The following SLMAP variants were observed in gnomAD, a reference collection of about 807,000 sequenced individuals.
The protein encoded by SLMAP is sarcolemma associated protein, also known as sarcolemmal membrane-associated protein.
A neutral mutation model predicts 128.8 loss-of-function variants in SLMAP; 44 were observed. The observed-to-expected ratio is 0.34, with a 90% CI of 0.27 to 0.44. The LOEUF (loss-of-function observed/expected upper bound fraction) is 0.44. SLMAP is among the 20% of genes least tolerant of loss of function. SLMAP has a pLI of 1.00. For synonymous variants in SLMAP, 327 were observed against 348.8 expected, an observed-to-expected ratio of 0.94 and a Z score of 0.70; for missense variants, 787 against 985.3, an observed-to-expected ratio of 0.80 and a Z score of 2.69.
At chr3:57,876,627 T>C (rs1450578521) in intron 14 of SLMAP, among the ~76,000 whole-genome samples, 2 of 152,262 alleles carry the variant, frequency 1.3e-5, no homozygotes, top group African/African-American at 2.4e-5. Context: ...TTTTAGTTAC[T>C]TAAAGTTTAC....
At chr3:57,913,362 A>G (rs878924921) in intron 21 of SLMAP, 87 bp downstream of exon 21, 7 of 622,430 alleles carry the variant, frequency 1.1e-5, no homozygotes, top group East Asian at 2.9e-5. Flanking sequence ...TAATACTTAA[A>G]TATTTTACAG....
chr3:57,793,159 C>G (rs1030900657), intron 2 of SLMAP, among the ~76,000 whole-genome samples: 3 of 152,042 alleles, frequency 2.0e-5, no homozygotes, highest in Non-Finnish European at 2.9e-5. Flanking sequence ...TCCTCTTGAG[C>G]TCAAGTGATC....
chr3:57,910,037 T>C (rs1442947506), intron 19 of SLMAP, among the ~76,000 whole-genome samples: 2 of 152,104 alleles, frequency 1.3e-5, no homozygotes, highest in Admixed American at 1.3e-4. Context: ...TTCTGAGTTA[T>C]GTCGTGAGTT....
intron 2 of SLMAP, among the ~76,000 whole-genome samples, chr3:57,758,239 C>G (rs2077951617): frequency 6.6e-6 from 1 of 152,186 alleles, no homozygotes; most frequent in Non-Finnish European, 1.5e-5. Flanking sequence ...CCATTATTAT[C>G]CCGGGGCTCA....
intron 2 of SLMAP, among the ~76,000 whole-genome samples, chr3:57,809,808 C>T (rs2153511065): frequency 6.6e-6 from 1 of 152,284 alleles, no homozygotes. Context: ...AGGAGCTATC[C>T]ACTTCAGGGC....
chr3:57,843,157 TC>T (rs1006836586), intron 4 of SLMAP, among the ~76,000 whole-genome samples: 1 of 152,112 alleles, frequency 6.6e-6, no homozygotes, highest in Non-Finnish European at 1.5e-5. Context: ...GAGTTTAAGT[TC>T]CATTGTGTAC....
intron 2 of SLMAP, among the ~76,000 whole-genome samples, chr3:57,793,933 G>A (rs1233740621): frequency 6.6e-6 from 1 of 151,656 alleles, no homozygotes; most frequent in Non-Finnish European, 1.5e-5. Context: ...TGGGTGTGAT[G>A]GTGTATTCCT....
intron 6 of SLMAP, among the ~76,000 whole-genome samples, chr3:57,851,760 C>T (rs142911901): frequency 0.012 from 1,789 of 152,204 alleles, 35 homozygotes; most frequent in African/African-American, 0.04. Context: ...GCTGGGATTA[C>T]AGGTGTGAGC....
At chr3:57,844,376 A>G (rs939258432) in intron 4 of SLMAP, among the ~76,000 whole-genome samples, 1 of 152,024 alleles carries the variant, frequency 6.6e-6, no homozygotes, top group Non-Finnish European at 1.5e-5. Context: ...GCTGGGTGAC[A>G]GAGTGAGACT....
At position 57,927,348 on chromosome 3, in the gene SLMAP, T is replaced by G; in HGVS notation, c.*59T>G. The G allele has an allele frequency of 6.2e-7, 1 of 1,607,386 alleles. No individual in the cohort carries two copies. The highest frequency in any genetic ancestry group is 8.5e-7 in the Non-Finnish European group (1 of 1,175,504). ...GCTGCCCTGGTTGCAGTAACAGCCA[T>G]CGTGCTGTACGTGCCAGGTCTGGCC... On this transcript the variant is annotated 3_prime_UTR_variant, in exon 25 of 25. Coordinates refer to ENST00000671191, the MANE Select transcript of SLMAP (RefSeq NM_001377540.1).
intron 2 of SLMAP, among the ~76,000 whole-genome samples, chr3:57,822,459 C>T (rs947976850): frequency 2.0e-5 from 3 of 152,100 alleles, no homozygotes; most frequent in South Asian, 2.1e-4. Flanking sequence ...CTACTGAGCT[C>T]GCATGAACTG....
chr3:57,763,119 C>T (rs1390870634), intron 2 of SLMAP, among the ~76,000 whole-genome samples: 3 of 152,120 alleles, frequency 2.0e-5, no homozygotes, highest in African/African-American at 7.2e-5. Context: ...TGAGTGAACT[C>T]TTGTGATTTG....
Position 57,922,877 on chromosome 3 carries a change from C to A in SLMAP, c.2311-12C>A. 1 of 1,597,054 alleles carries A rather than the reference C, an allele frequency of 6.3e-7. No homozygotes were observed. The highest frequency in any genetic ancestry group is 8.5e-7 in the Non-Finnish European group (1 of 1,174,858). ...AGTTGTATCTGCACACTTTTTTTTT[C>A]TTTGCCTTTAGTATGAAAAGACACA... On this transcript the variant is annotated splice_polypyrimidine_tract_variant and intron_variant, in intron 22 of 24. Coordinates refer to ENST00000671191, the MANE Select transcript of SLMAP (RefSeq NM_001377540.1).
chr3:57,906,673 AAATATAT>A lies in SLMAP; in HGVS notation c.1502-1209_1502-1203del, dbSNP rs1467057378. Among the ~76,000 whole-genome samples the A allele has an allele frequency of 3.8e-3, 118 of 30,918 alleles. 4 individuals are homozygous for A. The highest frequency in any genetic ancestry group is 0.014 in the East Asian group (2 of 142). The allele number at this position is 30,918 out of a possible 152,430, so 20.3% of individuals were successfully genotyped here. A position where few individuals can be genotyped will look rare whatever the true frequency, so the allele number is the denominator to read the frequency against. On this transcript the variant is annotated intron_variant, in intron 17 of 24. Coordinates refer to ENST00000671191, the MANE Select transcript of SLMAP (RefSeq NM_001377540.1). ...GATATAATCTATGAATATGAAAAAAAAATATATATATATATATATATATATATAATTT... is the reference window on the plus strand; with the variant it reads ...GATATAATCTATGAATATGAAAAAAAATATATATATATATATATATAATTT...
At chr3:57,860,868 T>C (rs2153599295) in intron 9 of SLMAP, 29 bp downstream of exon 9, 2 of 1,536,554 alleles carry the variant, frequency 1.3e-6, no homozygotes, top group East Asian at 4.6e-5. Context: ...AAATACTAAA[T>C]AGTATTATGA....
intron 21 of SLMAP, among the ~76,000 whole-genome samples, chr3:57,913,661 T>A (rs919009631): frequency 3.9e-5 from 6 of 152,124 alleles, no homozygotes; most frequent in Non-Finnish European, 8.8e-5. Context: ...GTGACTATAA[T>A]GAAGAATTTG....
intron 2 of SLMAP, among the ~76,000 whole-genome samples, chr3:57,778,145 A>C (rs534895113): frequency 2.3e-4 from 35 of 152,362 alleles, no homozygotes; most frequent in African/African-American, 8.2e-4. Flanking sequence ...GTTGTAAACT[A>C]TAAGTTCAAT....
At chr3:57,836,574 G>A (rs2093652256) in intron 3 of SLMAP, among the ~76,000 whole-genome samples, 1 of 152,140 alleles carries the variant, frequency 6.6e-6, no homozygotes, top group Non-Finnish European at 1.5e-5. Flanking sequence ...CTGGCCTCAA[G>A]TGATCCTCCT....
chr3:57,768,770 C>T (rs928549263), intron 2 of SLMAP, among the ~76,000 whole-genome samples: 50 of 152,018 alleles, frequency 3.3e-4, no homozygotes, highest in African/African-American at 1.1e-3. Context: ...GCATATTACC[C>T]TCCATAATGT....
Sources: gnomAD v4.1 joint callset for allele counts (sites outside exome capture counted in the v4.1 genomes callset) on GRCh38, gnomAD v4.1.1 for gene constraint, MANE v1.5 for transcripts, NCBI Gene and HGNC (gene_info 2026-07-23, HGNC 2026-07-21) for gene names.